Variants in ROR1 observed in about 807,000 individuals in gnomAD.
The protein encoded by ROR1 is inactive tyrosine-protein kinase transmembrane receptor ROR1.
In ROR1, 19 loss-of-function variants were observed where a neutral mutation model predicts 78.8. The ratio of observed to expected loss-of-function variants is 0.24; its 90% CI spans 0.17 to 0.35. The LOEUF is 0.35. Ranked by LOEUF, ROR1 falls within the 10% of genes least tolerant of loss-of-function variation. The probability of loss-of-function intolerance (pLI) is 1.00; values close to 1 mark genes in which losing one functional copy is unlikely to be tolerated. For synonymous variants in ROR1, 386 were observed against 433.6 expected, an observed-to-expected ratio of 0.89 and a Z score of 1.36; for missense variants, 917 against 1,177.8, an observed-to-expected ratio of 0.78 and a Z score of 3.24.
intron 1 of ROR1, among the ~76,000 whole-genome samples, chr1:63,782,734 C>A (rs916975439): frequency 2.0e-5 from 3 of 152,098 alleles, no homozygotes; most frequent in African/African-American, 7.2e-5. Context: ...GTAAATTAAA[C>A]CCCTTCCCAA....
intron 1 of ROR1, among the ~76,000 whole-genome samples, chr1:63,814,864 C>T (rs1644880793): frequency 6.6e-6 from 1 of 152,172 alleles, no homozygotes; most frequent in African/African-American, 2.4e-5. Context: ...CAGTAGGAGA[C>T]CCTGGCCTAA....
chr1:64,142,600 T>A lies in ROR1; in HGVS notation c.1124T>A (p.Phe375Tyr). The A allele has an allele frequency of 6.2e-7, 1 of 1,614,092 alleles. No individual in the cohort carries two copies. The highest frequency in any genetic ancestry group is 8.5e-7 in the Non-Finnish European group (1 of 1,180,010). ...AATCAAAAGGAAGCTCCCTGGTGCT[T>A]CACCTTGGATGAAAACTTTAAGTCT... ...PGNQKEAPWC[F>Y]TLDENFKSDL... Residue 375 changes from phenylalanine (F) to tyrosine (Y), a missense_variant, in exon 7 of 9, where the codon TTC becomes TAC. Phe to Tyr is a conservative substitution (Grantham distance 22, BLOSUM62 3). Transcript: ENST00000371079.
At chr1:63,963,965 G>T (rs1413397663) in intron 1 of ROR1, among the ~76,000 whole-genome samples, 1 of 152,016 alleles carries the variant, frequency 6.6e-6, no homozygotes, top group Non-Finnish European at 1.5e-5. Context: ...ATATTTTTTT[G>T]AGCAAAAGAC....
chr1:63,839,345 C>CATCTATCT (rs36224861), intron 1 of ROR1, among the ~76,000 whole-genome samples: 344 of 147,172 alleles, frequency 2.3e-3, no homozygotes, highest in South Asian at 4.5e-3. Context: ...GTCTCCATAT[C>CATCTATCT]ATCTATCTAT....
At chr1:63,880,260 C>A (rs1359822242) in intron 1 of ROR1, among the ~76,000 whole-genome samples, 1 of 152,068 alleles carries the variant, frequency 6.6e-6, no homozygotes, top group African/African-American at 2.4e-5. Context: ...TTAAAGAATG[C>A]CAAGGAATTA....
chr1:64,017,852 G>A lies in ROR1; in HGVS notation c.163+8476G>A, dbSNP rs139720957. Among the ~76,000 whole-genome samples the A allele has an allele frequency of 3.1e-3, 476 of 152,306 alleles. 3 individuals carry two copies. The highest frequency in any genetic ancestry group is 0.011 in the African/African-American group (455 of 41,554). Reference sequence around the variant, plus strand: ...CTGTTTTTACCATTTAGAATGAGGAGAGAGCTTATCTACCTTATATCTTGA... The same window carrying A: ...CTGTTTTTACCATTTAGAATGAGGAAAGAGCTTATCTACCTTATATCTTGA... On this transcript the variant is annotated intron_variant, in intron 2 of 8. Transcript: ENST00000371079.
chr1:63,949,578 G>T (rs965327195), intron 1 of ROR1, among the ~76,000 whole-genome samples: 1 of 152,072 alleles, frequency 6.6e-6, no homozygotes, highest in Admixed American at 6.6e-5. Flanking sequence ...TCCTTTTTAC[G>T]GGTGCTATTT....
intron 1 of ROR1, among the ~76,000 whole-genome samples, chr1:63,988,766 A>G (rs1007574304): frequency 1.3e-5 from 2 of 152,332 alleles, no homozygotes; most frequent in East Asian, 3.9e-4. Flanking sequence ...GGCCTATTTC[A>G]GTTATCATAA....
intron 1 of ROR1, among the ~76,000 whole-genome samples, chr1:64,007,977 T>C (rs1319107738): frequency 1.3e-5 from 2 of 149,242 alleles, no homozygotes; most frequent in East Asian, 3.9e-4. Context: ...TTTTTTGCAA[T>C]TTCCATTTTT....
chr1:63,783,452 A>G (rs973635896), intron 1 of ROR1, among the ~76,000 whole-genome samples: 1 of 152,182 alleles, frequency 6.6e-6, no homozygotes, highest in African/African-American at 2.4e-5. Context: ...CACACTGAGC[A>G]TACTGTGGGC....
chr1:63,860,735 C>T (rs1413847983), intron 1 of ROR1, among the ~76,000 whole-genome samples: 2 of 143,842 alleles, frequency 1.4e-5, no homozygotes, highest in Admixed American at 7.2e-5. Flanking sequence ...CACCACTGCA[C>T]TCCAGCCTGG....
At chr1:63,798,860 G>A (rs1408450379) in intron 1 of ROR1, among the ~76,000 whole-genome samples, 1 of 151,850 alleles carries the variant, frequency 6.6e-6, no homozygotes, top group Non-Finnish European at 1.5e-5. Context: ...GTTCATCTCT[G>A]GACTACTTTG....
intron 1 of ROR1, among the ~76,000 whole-genome samples, chr1:63,931,989 C>A (rs1473127355): frequency 1.3e-5 from 2 of 152,032 alleles, no homozygotes; most frequent in East Asian, 3.9e-4. Flanking sequence ...AGGAACGTAC[C>A]CCCTTTGGAT....
At chr1:64,113,815 A>G (rs1485507153) in intron 4 of ROR1, 1 of 152,004 alleles carries the variant, frequency 6.6e-6, no homozygotes, top group Non-Finnish European at 1.5e-5. Context: ...AAAGAAAGAA[A>G]GAAAAAAGAA....
chr1:63,783,304 T>C (rs568308332), intron 1 of ROR1, among the ~76,000 whole-genome samples: 45 of 152,294 alleles, frequency 3.0e-4, no homozygotes, highest in African/African-American at 8.7e-4. Flanking sequence ...GTTGTGCATT[T>C]CAGGGCTGCT....
chr1:63,981,794 C>T (rs1295987481), intron 1 of ROR1, among the ~76,000 whole-genome samples: 2 of 152,022 alleles, frequency 1.3e-5, no homozygotes, highest in Non-Finnish European at 2.9e-5. Context: ...TGGGCTGTCA[C>T]AGTGAGTCCA....
Position 63,784,041 on chromosome 1 carries a change from T to G in ROR1, c.91+9533T>G, listed in dbSNP as rs187514824. 2.6e-5 allele frequency among the ~76,000 whole-genome samples: 4 copies of G among 152,338 alleles called. No homozygotes were observed. The East Asian group carries it at 7.7e-4, about 29-fold the overall frequency. On this transcript the variant is annotated intron_variant, in intron 1 of 8. Coordinates refer to ENST00000371079, the MANE Select transcript of ROR1 (RefSeq NM_005012.4). ...TATGCCAAACTGCATTGCAGTTTTTTTTTTCAACTCTGTCTGATGATTAAA... is the reference window on the plus strand; with the variant it reads ...TATGCCAAACTGCATTGCAGTTTTTGTTTTCAACTCTGTCTGATGATTAAA...
At chr1:64,013,453 C>T (rs933116131) in intron 2 of ROR1, among the ~76,000 whole-genome samples, 12 of 152,138 alleles carry the variant, frequency 7.9e-5, no homozygotes, top group African/African-American at 2.9e-4. Flanking sequence ...AATCTGCCTC[C>T]GATTCCCTAA....
intron 1 of ROR1, among the ~76,000 whole-genome samples, chr1:63,912,392 G>T (rs1304481694): frequency 1.3e-5 from 2 of 151,932 alleles, no homozygotes; most frequent in Non-Finnish European, 2.9e-5. Flanking sequence ...TTATTATAAT[G>T]CAAGGAGAAA....
Sources: allele counts gnomAD v4.1 joint callset (sites outside exome capture counted in the v4.1 genomes callset), GRCh38; gene constraint gnomAD v4.1.1; transcripts MANE v1.5; gene names NCBI Gene and HGNC (gene_info 2026-07-23, HGNC 2026-07-21).